Variants in PTPRH observed in about 807,000 individuals in gnomAD.
The protein encoded by PTPRH is protein tyrosine phosphatase receptor type H.
PTPRH carries 113 observed loss-of-function variants against 130.2 expected under a neutral mutation model. That is an observed-to-expected ratio of 0.87 (90% confidence interval 0.75 to 1.01). PTPRH has a LOEUF of 1.01. Among genes scored for constraint, PTPRH ranks in the 50% least tolerant of loss-of-function variants. PTPRH has a pLI of 0.00. For missense variants in PTPRH, 1,430 were observed against 1,425.0 expected, an observed-to-expected ratio of 1.00 and a Z score of -0.06; for synonymous variants, 556 against 577.9, an observed-to-expected ratio of 0.96 and a Z score of 0.54.
At chr19:55,182,241 T>C (rs988134839) in intron 18 of PTPRH, 90 bp from the exon 19 acceptor site, 442 of 1,426,876 alleles carry the variant, frequency 3.1e-4, no homozygotes, top group Non-Finnish European at 4.2e-4. Context: ...GTTTGAATGA[T>C]GACAATAACT....
At chr19:55,199,452 C>T (rs1406631702) in intron 7 of PTPRH, among the ~76,000 whole-genome samples, 1 of 152,040 alleles carries the variant, frequency 6.6e-6, no homozygotes, top group Middle Eastern at 3.2e-3. Context: ...TAAAAATACA[C>T]AGATTAGCTG....
chr19:55,188,990 TCTTTTC>T (rs2086447429), intron 12 of PTPRH, among the ~76,000 whole-genome samples: 1 of 152,182 alleles, frequency 6.6e-6, no homozygotes, highest in South Asian at 2.1e-4. Flanking sequence ...TCTTTCTTTT[TCTTTTC>T]CTTTTCCGAG....
intron 6 of PTPRH, among the ~76,000 whole-genome samples, chr19:55,201,597 AC>A (rs1298418384): frequency 1.3e-5 from 2 of 152,130 alleles, no homozygotes; most frequent in Admixed American, 6.5e-5. Context: ...GCTAGTGGCT[AC>A]CATATTGGAC....
intron 4 of PTPRH, 143 bp downstream of exon 4, chr19:55,205,183 T>C (rs138974365): frequency 0.055 from 73,337 of 1,329,414 alleles, 2,391 homozygotes; most frequent in South Asian, 0.075. Context: ...CTTCATCTCC[T>C]GAGCTGAGAC....
rs759688360 is a variant in PTPRH at position 55,203,952 on chromosome 19, G to C, written c.716C>G (p.Ser239Trp). The part of the protein sequence containing the change: ...EVPDGTDPQN[S>W]TYCVQCTGDG... ...TCCAGTGCACTGAACGCAGTAGGTC[G>C]AGTTCTGTGGGTCTGTGCCATCGGG... The change falls in exon 5 of 20, where the codon TCG (serine) becomes TGG (tryptophan). Residue 239 changes from serine to tryptophan, a missense_variant. Physicochemically the swap from Ser to Trp is radical, Grantham distance 177. Coordinates refer to ENST00000376350, the MANE Select transcript of PTPRH (RefSeq NM_002842.5). 6.2e-7 allele frequency: 1 copy of C among 1,614,158 alleles called. No homozygotes were observed. The highest frequency in any genetic ancestry group is 8.5e-7 in the Non-Finnish European group (1 of 1,179,998).
At chr19:55,183,447 G>A (rs2086233569) in intron 18 of PTPRH, among the ~76,000 whole-genome samples, 1 of 151,766 alleles carries the variant, frequency 6.6e-6, no homozygotes, top group Non-Finnish European at 1.5e-5. Context: ...TTTTAAGCTG[G>A]GCGCACTGGC....
chr19:55,207,386 G>A, intron 1 of PTPRH, 187 bp from the exon 2 acceptor site: 2 of 615,490 alleles, frequency 3.2e-6, no homozygotes, highest in East Asian at 2.8e-5. Context: ...AGAAGGGGGA[G>A]CATGGCAGGA....
Position 55,181,837 on chromosome 19 carries a change from C to G in PTPRH, c.3265G>C (p.Glu1089Gln). 2.5e-6 allele frequency: 4 copies of G among 1,614,180 alleles called. No homozygotes were observed. The highest frequency in any genetic ancestry group is 3.4e-6 in the Non-Finnish European group (4 of 1,180,028). ...ACATCCTCATACGGGACTTCCTTCTCGGCTGGGGCCTGGGCTGACTGTTGG... is the reference window on the plus strand; with the variant it reads ...ACATCCTCATACGGGACTTCCTTCTGGGCTGGGGCCTGGGCTGACTGTTGG... ...FLQQSAQAPA[E>Q]KEVPYEDVEN... is the part of the protein sequence containing the mutation. Residue 1089 changes from glutamate to glutamine, a missense_variant, in exon 20 of 20, where the codon GAG becomes CAG. Physicochemically the swap from Glu to Gln is conservative, Grantham distance 29 (BLOSUM62 2). Transcript: ENST00000376350.
intron 5 of PTPRH, among the ~76,000 whole-genome samples, chr19:55,202,604 C>T (rs2086899019): frequency 6.6e-6 from 1 of 151,562 alleles, no homozygotes. Context: ...CACACACACA[C>T]ACACACATAT....
At position 55,187,161 on chromosome 19, in the gene PTPRH, C is replaced by T. The variant is rs551149164; in HGVS notation, c.2566+352G>A. 6.4e-3 allele frequency among the ~76,000 whole-genome samples: 966 copies of T among 149,806 alleles called. 5 individuals carry two copies. Among genetic ancestry groups the T allele is most frequent in the African/African-American group, 0.02 (826 of 40,780 alleles). On this transcript the variant is annotated intron_variant, in intron 14 of 19. Transcript: ENST00000376350. ...GAGATCGAGACCATCCTGGCTAACA[C>T]GGTGAAACCCTGTCTCTACCAAAAA...
intron 14 of PTPRH, among the ~76,000 whole-genome samples, 174 bp from the exon 15 acceptor site, chr19:55,186,714 G>A (rs2086347288): frequency 9.4e-6 from 1 of 105,964 alleles, no homozygotes; most frequent in Admixed American, 1.1e-4. Context: ...AGGGGCGGAG[G>A]GACCTCAGCT....
chr19:55,196,633 C>T lies in PTPRH; in HGVS notation c.2146G>A (p.Val716Met), dbSNP rs763083824. The change falls in exon 10 of 20, where the codon GTG (valine) becomes ATG (methionine). Residue 716 changes from valine to methionine, a missense_variant. Val to Met is a conservative substitution (Grantham distance 21, BLOSUM62 1). Coordinates refer to ENST00000376350, the MANE Select transcript of PTPRH (RefSeq NM_002842.5). The part of the protein sequence containing the change: ...SQDRSSCGEA[V>M]SVLGLGPARS... ...GCCGGCCCGAGACCCAACACAGACA[C>T]AGCCTCCCCACATGAAGATCTGTCC... The T allele has an allele frequency of 6.2e-6, 10 of 1,614,122 alleles. No homozygotes were observed. The highest frequency in any genetic ancestry group is 8.5e-6 in the Non-Finnish European group (10 of 1,180,030).
At chr19:55,189,334 A>G (rs1232909336) in intron 12 of PTPRH, among the ~76,000 whole-genome samples, 5 of 152,124 alleles carry the variant, frequency 3.3e-5, no homozygotes, top group Non-Finnish European at 7.3e-5. Flanking sequence ...ACTTCTTCCT[A>G]AACATGTTAG....
At chr19:55,202,829 A>G (rs926136312) in intron 5 of PTPRH, among the ~76,000 whole-genome samples, 3 of 151,742 alleles carry the variant, frequency 2.0e-5, no homozygotes, top group Non-Finnish European at 4.4e-5. Flanking sequence ...ACCTGAGGTC[A>G]GGAGCTCAAG....
In PTPRH at chr19:55,192,270, T is replaced by C. The variant is rs558540523; in HGVS notation, c.2258-529A>G. 1.6e-4 allele frequency among the ~76,000 whole-genome samples: 25 copies of C among 151,702 alleles called. No homozygotes were observed. In the East Asian group the frequency reaches 3.0e-3, roughly 18 times the overall value. ...ACAAAAAATTAGCAGGGCGTGGTGG[T>C]GGGCGCCTGTAGTCCCAGCTACTCG... On this transcript the variant is annotated intron_variant, in intron 10 of 19. Transcript: ENST00000376350.
chr19:55,183,825 A>C (rs536339797), intron 18 of PTPRH, among the ~76,000 whole-genome samples: 12 of 152,204 alleles, frequency 7.9e-5, no homozygotes, highest in African/African-American at 2.9e-4. Flanking sequence ...ATCACCCCTA[A>C]AGCAGACACC....
chr19:55,203,650 T>C (rs2086944351), intron 5 of PTPRH, 132 bp downstream of exon 5: 5 of 1,095,968 alleles, frequency 4.6e-6, no homozygotes, highest in Non-Finnish European at 2.5e-6. Flanking sequence ...GATAGAAAAT[T>C]GAAATTCTCA....
Position 55,185,916 on chromosome 19 carries a change from C to A in PTPRH, c.2847G>T (p.Leu949=). 1 of 1,614,136 alleles carries A rather than the reference C, an allele frequency of 6.2e-7. No individual in the cohort carries two copies. The highest frequency in any genetic ancestry group is 1.1e-5 in the South Asian group (1 of 91,076). The change falls in exon 17 of 20, where the codon CTG becomes CTT. Residue 949 remains leucine, a synonymous_variant. Transcript: ENST00000376350. ...PCTHGHLRVT[L]VGEEVMENWT... is the part of the protein sequence containing the mutation. The stretch of plus-strand genomic sequence containing the variant: ...AGTTCTCCATCACTTCCTCACCTAC[C>A]AGGGTTACCCGCAGGTGCCCATGGG...
chr19:55,198,573 C>T, intron 8 of PTPRH, 70 bp downstream of exon 8: 10 of 1,460,350 alleles, frequency 6.8e-6, no homozygotes, highest in Non-Finnish European at 9.1e-6. Flanking sequence ...CCAAGGAGCT[C>T]CCAAAGTCCT....
Sources: allele counts gnomAD v4.1 joint callset (sites outside exome capture counted in the v4.1 genomes callset), GRCh38; gene constraint gnomAD v4.1.1; transcripts MANE v1.5; gene names NCBI Gene and HGNC (gene_info 2026-07-23, HGNC 2026-07-21).